The following RNF217 variants were observed in gnomAD, a reference collection of about 807,000 sequenced individuals.
RNF217 encodes E3 ubiquitin-protein ligase RNF217.
RNF217 carries 31 observed loss-of-function variants against 57.8 expected under a neutral mutation model. The ratio of observed to expected loss-of-function variants is 0.54; its 90% CI spans 0.40 to 0.72. The LOEUF is 0.72. RNF217 is among the 30% of genes least tolerant of loss of function. The pLI is 0.00. For synonymous variants in RNF217, 313 were observed against 294.0 expected, an observed-to-expected ratio of 1.06 and a Z score of -0.66; for missense variants, 696 against 708.3, an observed-to-expected ratio of 0.98 and a Z score of 0.20.
intron 1 of RNF217, chr6:124,971,568 G>A (rs1394072486): frequency 7.9e-6 from 2 of 252,106 alleles, no homozygotes; most frequent in South Asian, 3.6e-5. Flanking sequence ...CGATTCTCCT[G>A]CCTCAGCCTT....
At chr6:124,984,345 G>A (rs963076314) in intron 1 of RNF217, among the ~76,000 whole-genome samples, 7 of 151,914 alleles carry the variant, frequency 4.6e-5, no homozygotes, top group Admixed American at 2.0e-4. Context: ...CCAAGTGTTC[G>A]ACAGCAACCC....
At chr6:124,963,599 T>G (rs1582640883) in intron 1 of RNF217, among the ~76,000 whole-genome samples, 173 bp downstream of exon 1, 1 of 152,332 alleles carries the variant, frequency 6.6e-6, no homozygotes, top group East Asian at 1.9e-4. Context: ...ACCTCACTGG[T>G]TTACTTAACT....
intron 1 of RNF217, chr6:124,971,607 C>T: frequency 5.3e-6 from 1 of 187,400 alleles, no homozygotes; most frequent in South Asian, 7.2e-5. Context: ...AGGTGCGTGC[C>T]ACCATGCTCA....
intron 1 of RNF217, among the ~76,000 whole-genome samples, chr6:125,041,785 C>T (rs1340494780): frequency 6.6e-6 from 1 of 151,664 alleles, no homozygotes; most frequent in Non-Finnish European, 1.5e-5. Context: ...AGTAGAAACC[C>T]CATGTTTCCC....
At chr6:125,020,423 A>C (rs1458931251) in intron 1 of RNF217, among the ~76,000 whole-genome samples, 1 of 152,248 alleles carries the variant, frequency 6.6e-6, no homozygotes, top group Non-Finnish European at 1.5e-5. Context: ...TTCTGTGAGC[A>C]TTTGGTATTC....
intron 1 of RNF217, among the ~76,000 whole-genome samples, chr6:125,012,891 A>G (rs1562467510): frequency 6.6e-6 from 1 of 152,132 alleles, no homozygotes; most frequent in African/African-American, 2.4e-5. Flanking sequence ...ATAACTCCTT[A>G]AATTGAAGGT....
At chr6:125,050,938 G>A (rs528970610) in intron 2 of RNF217, among the ~76,000 whole-genome samples, 25 of 151,872 alleles carry the variant, frequency 1.6e-4, no homozygotes, top group African/African-American at 5.1e-4. Context: ...GTTGATAGAC[G>A]CCAGTGTAAA....
At chr6:125,022,460 G>A (rs995307533) in intron 1 of RNF217, among the ~76,000 whole-genome samples, 1 of 152,204 alleles carries the variant, frequency 6.6e-6, no homozygotes, top group African/African-American at 2.4e-5. Flanking sequence ...TGAGCAGGCT[G>A]ACAGGGCCAG....
intron 1 of RNF217, among the ~76,000 whole-genome samples, chr6:125,030,083 C>G (rs1192527948): frequency 6.6e-6 from 1 of 152,098 alleles, no homozygotes; most frequent in Non-Finnish European, 1.5e-5. Context: ...GAAGAAGAAG[C>G]AAAAGCAGAA....
chr6:125,038,218 G>T (rs748318385), intron 1 of RNF217, among the ~76,000 whole-genome samples: 9 of 152,188 alleles, frequency 5.9e-5, no homozygotes, highest in Middle Eastern at 3.4e-3. Context: ...CTTTTTCAGT[G>T]ATATAAATAG....
At position 125,092,094 on chromosome 6, in the gene RNF217, C is replaced by G. The variant is rs1409771981; in HGVS notation, c.*9157C>G. The G allele has an allele frequency of 6.6e-6, 1 of 151,908 alleles. No homozygotes were observed. The allele number at this position is 151,908 out of a possible 1,614,324, so 9.4% of individuals were successfully genotyped here. A position where few individuals can be genotyped will look rare whatever the true frequency, so the allele number is the denominator to read the frequency against. ...AAGAAAAAAAAAGGAAAAGAATCTTCCTGCCAACAGGTAGGTCCTGCTGGA... is the reference window on the plus strand; with the variant it reads ...AAGAAAAAAAAAGGAAAAGAATCTTGCTGCCAACAGGTAGGTCCTGCTGGA... On this transcript the variant is annotated 3_prime_UTR_variant, in exon 6 of 6. Transcript: ENST00000521654.
intron 1 of RNF217, among the ~76,000 whole-genome samples, chr6:124,974,078 C>G (rs1388315542): frequency 6.6e-6 from 1 of 152,130 alleles, no homozygotes; most frequent in Non-Finnish European, 1.5e-5. Context: ...GAGCCAGCAT[C>G]CCAAGGGATG....
At chr6:125,060,161 G>A (rs1787677155) in intron 3 of RNF217, among the ~76,000 whole-genome samples, 1 of 151,962 alleles carries the variant, frequency 6.6e-6, no homozygotes, top group South Asian at 2.1e-4. Context: ...ATACTGTAAG[G>A]CTTTCTTTTC....
chr6:124,971,886 C>T (rs1415538548), intron 1 of RNF217, among the ~76,000 whole-genome samples: 1 of 152,062 alleles, frequency 6.6e-6, no homozygotes, highest in Non-Finnish European at 1.5e-5. Context: ...TGAGCTAAAC[C>T]TCTTCTCTTC....
intron 2 of RNF217, among the ~76,000 whole-genome samples, chr6:125,053,817 T>G (rs1787417938): frequency 6.6e-6 from 1 of 152,250 alleles, no homozygotes; most frequent in South Asian, 2.1e-4. Context: ...ATTAAGATTC[T>G]TAGCTCTGAT....
At position 124,962,493 on chromosome 6, in the gene RNF217, G is replaced by A; in HGVS notation, c.-52G>A. On this transcript the variant is annotated 5_prime_UTR_variant, in exon 1 of 6. The change creates a new upstream start codon in the 5' untranslated region. Transcript: ENST00000521654. The surrounding 1 kb of genome is among the most constrained non-coding windows in gnomAD (Gnocchi z 4.6). ...TGCCCCCGCTGCCCGCGGGCGCCGG[G>A]TGGGGGTCCCGGCGGCTGGATGGGC... 2 of 967,566 alleles carry A rather than the reference G, an allele frequency of 2.1e-6. No homozygotes were observed. The highest frequency in any genetic ancestry group is 2.6e-6 in the Non-Finnish European group (2 of 775,468). 59.9% of individuals were successfully genotyped at this position (967,566 alleles called of 1,614,324 possible). A position where few individuals can be genotyped will look rare whatever the true frequency, so the allele number is the denominator to read the frequency against.
At position 125,085,323 on chromosome 6, in the gene RNF217, G is replaced by A. The variant is rs1441191213; in HGVS notation, c.*2386G>A. 6.6e-6 allele frequency: 1 copy of A among 151,860 alleles called. No individual in the cohort carries two copies. The highest frequency in any genetic ancestry group is 1.9e-4 in the East Asian group (1 of 5,178). The allele number at this position is 151,860 out of a possible 1,614,324, so 9.4% of individuals were successfully genotyped here. A position where few individuals can be genotyped will look rare whatever the true frequency, so the allele number is the denominator to read the frequency against. On this transcript the variant is annotated 3_prime_UTR_variant, in exon 6 of 6. Transcript: ENST00000521654. ...GAAATAGTGTGCACTGTGTTGCACA[G>A]GTTTTTCATTTTTCTATTGAGTAGA...
chr6:125,080,907 T>G (rs1788550967), intron 4 of RNF217, among the ~76,000 whole-genome samples: 1 of 152,088 alleles, frequency 6.6e-6, no homozygotes, highest in African/African-American at 2.4e-5. Context: ...AAACGTCCCA[T>G]TTTTAGTTCA....
chr6:125,043,257 C>G (rs1786956249), intron 1 of RNF217, among the ~76,000 whole-genome samples: 1 of 152,128 alleles, frequency 6.6e-6, no homozygotes, highest in South Asian at 2.1e-4. Flanking sequence ...GTGCTGTGTT[C>G]TCTTTCCTCC....
Sources: allele counts gnomAD v4.1 joint callset (sites outside exome capture counted in the v4.1 genomes callset), GRCh38; gene constraint gnomAD v4.1.1; non-coding constraint Gnocchi (gnomAD v3.1); transcripts MANE v1.5; gene names NCBI Gene and HGNC (gene_info 2026-07-23, HGNC 2026-07-21).